The following SGCZ variants were observed in gnomAD, a reference collection of about 807,000 sequenced individuals.
The protein encoded by SGCZ is zeta-sarcoglycan.
In SGCZ, 40 loss-of-function variants were observed where a neutral mutation model predicts 41.3. The ratio of observed to expected loss-of-function variants is 0.97; its 90% CI spans 0.75 to 1.26. The LOEUF is 1.26. Ranked by LOEUF, SGCZ falls within the 50% of genes most tolerant of loss-of-function variation. The pLI is 0.00. For synonymous variants in SGCZ, 206 were observed against 137.5 expected, an observed-to-expected ratio of 1.50 and a Z score of -3.49; for missense variants, 552 against 369.8, an observed-to-expected ratio of 1.49 and a Z score of -4.04.
At chr8:15,076,754 A>T (rs7841752) in intron 1 of SGCZ, among the ~76,000 whole-genome samples, 26,399 of 133,220 alleles carry the variant, frequency 0.2, 2,770 homozygotes, top group African/African-American at 0.31. Flanking sequence ...AGTCTCTCTC[A>T]TTTTTTTTTT....
At chr8:14,596,859 A>AT (rs1347551931) in intron 1 of SGCZ, among the ~76,000 whole-genome samples, 1 of 152,032 alleles carries the variant, frequency 6.6e-6, no homozygotes, top group Non-Finnish European at 1.5e-5. Flanking sequence ...AAGAAACAGA[A>AT]TTTTTTTAAG....
chr8:15,215,773 T>A (rs1046848115), intron 1 of SGCZ, among the ~76,000 whole-genome samples: 4 of 152,224 alleles, frequency 2.6e-5, no homozygotes, highest in African/African-American at 9.6e-5. Flanking sequence ...AGAGTTACAA[T>A]TAAAGTCCTA....
At chr8:14,991,495 TC>T in intron 1 of SGCZ, among the ~76,000 whole-genome samples, 1 of 152,168 alleles carries the variant, frequency 6.6e-6, no homozygotes. Flanking sequence ...CTCATAAATG[TC>T]TACCTTCGGC....
intron 1 of SGCZ, among the ~76,000 whole-genome samples, chr8:14,878,755 G>T (rs549190411): frequency 6.6e-6 from 1 of 152,306 alleles, no homozygotes; most frequent in Non-Finnish European, 1.5e-5. Flanking sequence ...CAGAGGCAAT[G>T]AAACACAAAT....
intron 5 of SGCZ, 147 bp from the exon 6 acceptor site, chr8:14,108,382 T>TAA (rs1802273118): frequency 6.1e-6 from 4 of 652,400 alleles, no homozygotes; most frequent in Non-Finnish European, 1.1e-5. Context: ...ACACTGCTGA[T>TAA]AAAGACATAT....
Position 14,567,437 on chromosome 8 carries a change from T to C in SGCZ, c.40-12511A>G, listed in dbSNP as rs1255913186. 3.3e-5 allele frequency among the ~76,000 whole-genome samples: 5 copies of C among 152,114 alleles called. No individual in the cohort carries two copies. The East Asian group carries it at 7.7e-4, about 23-fold the overall frequency. On this transcript the variant is annotated intron_variant, in intron 1 of 7. Transcript: ENST00000382080. ...TTATCTAGCTAATCTAGTGGGGACA[T>C]GGAGAACTTTTGTGTCTGGCTCAGG...
chr8:14,452,647 C>G (rs561448471), intron 2 of SGCZ, among the ~76,000 whole-genome samples: 6 of 152,004 alleles, frequency 3.9e-5, no homozygotes, highest in Non-Finnish European at 8.8e-5. Context: ...CTGATTGTAA[C>G]AAATGTACAA....
At chr8:14,288,459 G>T (rs1175761781) in intron 3 of SGCZ, among the ~76,000 whole-genome samples, 3 of 151,968 alleles carry the variant, frequency 2.0e-5, no homozygotes, top group Non-Finnish European at 2.9e-5. Flanking sequence ...TCGGCCACTG[G>T]TAACCTCTAA....
At chr8:14,286,506 G>A (rs1486983576) in intron 3 of SGCZ, among the ~76,000 whole-genome samples, 1 of 152,060 alleles carries the variant, frequency 6.6e-6, no homozygotes, top group Non-Finnish European at 1.5e-5. Flanking sequence ...GTTGAAGAGT[G>A]TTCTGAGGTT....
intron 3 of SGCZ, among the ~76,000 whole-genome samples, chr8:14,322,928 A>C (rs975146366): frequency 2.0e-5 from 3 of 152,262 alleles, no homozygotes; most frequent in Admixed American, 6.5e-5. Context: ...AAAATAAAGC[A>C]AAAGAACTAA....
intron 1 of SGCZ, among the ~76,000 whole-genome samples, chr8:14,747,879 A>AT (rs375144725): frequency 0.28 from 36,423 of 130,186 alleles, 6,230 homozygotes; most frequent in Non-Finnish European, 0.35. Context: ...CAACTGACTA[A>AT]TTTTTTTTTT....
intron 2 of SGCZ, among the ~76,000 whole-genome samples, chr8:14,436,455 G>A (rs761375765): frequency 6.6e-6 from 1 of 152,090 alleles, no homozygotes; most frequent in Non-Finnish European, 1.5e-5. Context: ...TGCAAAGTGT[G>A]GGCCATACAC....
chr8:14,396,567 T>A (rs1377853568), intron 2 of SGCZ, among the ~76,000 whole-genome samples: 1 of 152,054 alleles, frequency 6.6e-6, no homozygotes, highest in Admixed American at 6.6e-5. Context: ...TTTACTAGGG[T>A]CTCGGTGCTA....
At chr8:14,230,866 G>C (rs981253908) in intron 4 of SGCZ, among the ~76,000 whole-genome samples, 9 of 150,962 alleles carry the variant, frequency 6.0e-5, no homozygotes, top group Admixed American at 4.6e-4. Flanking sequence ...ACTTAAATTT[G>C]TGAAACACGA....
At chr8:14,504,195 CA>C (rs1802237680) in intron 2 of SGCZ, among the ~76,000 whole-genome samples, 1 of 152,188 alleles carries the variant, frequency 6.6e-6, no homozygotes, top group Non-Finnish European at 1.5e-5. Flanking sequence ...GAGGAAAATT[CA>C]ATTTGCCTTT....
At chr8:14,163,591 C>T (rs1329644436) in intron 5 of SGCZ, among the ~76,000 whole-genome samples, 2 of 152,186 alleles carry the variant, frequency 1.3e-5, no homozygotes, top group African/African-American at 2.4e-5. Context: ...ACTACACACA[C>T]ATGCATTTAA....
intron 4 of SGCZ, among the ~76,000 whole-genome samples, chr8:14,210,097 G>A (rs963411330): frequency 5.9e-5 from 9 of 151,982 alleles, no homozygotes; most frequent in East Asian, 1.9e-4. Flanking sequence ...TCACTCTGTC[G>A]CCCAGACTGG....
rs544550386 is a variant in SGCZ at position 14,672,661 on chromosome 8, GA to G, written c.40-117736del. 1.9e-3 allele frequency among the ~76,000 whole-genome samples: 290 copies of G among 152,218 alleles called. 1 individual carries two copies. The highest frequency in any genetic ancestry group is 6.9e-3 in the African/African-American group (285 of 41,540). On this transcript the variant is annotated intron_variant, in intron 1 of 7. Transcript: ENST00000382080. Reference sequence around the variant, plus strand: ...AAGCTTTTTGGAGGAAACAGTGTTTGAATGAAGACACTGGTTGTGCTCAGGA... The same window carrying G: ...AAGCTTTTTGGAGGAAACAGTGTTTGATGAAGACACTGGTTGTGCTCAGGA...
intron 1 of SGCZ, among the ~76,000 whole-genome samples, chr8:15,076,557 T>G (rs1027002195): frequency 6.6e-6 from 1 of 152,138 alleles, no homozygotes; most frequent in African/African-American, 2.4e-5. Context: ...TGAGATAGGC[T>G]TTTAGCTTTC....
Sources: gnomAD v4.1 joint callset for allele counts (sites outside exome capture counted in the v4.1 genomes callset) on GRCh38, gnomAD v4.1.1 for gene constraint, MANE v1.5 for transcripts, NCBI Gene and HGNC (gene_info 2026-07-23, HGNC 2026-07-21) for gene names.